SNX27: variants seen among roughly 807,000 people sequenced by gnomAD.
SNX27 encodes sorting nexin 27.
A neutral mutation model predicts 71.6 loss-of-function variants in SNX27; 22 were observed. That is an observed-to-expected ratio of 0.31 (90% CI 0.22 to 0.44). SNX27 has a LOEUF of 0.44. Among genes scored for constraint, SNX27 ranks in the 20% least tolerant of loss-of-function variants. The pLI is 1.00. For synonymous variants in SNX27, 269 were observed against 277.2 expected, an observed-to-expected ratio of 0.97 and a Z score of 0.29; for missense variants, 531 against 698.6, an observed-to-expected ratio of 0.76 and a Z score of 2.70.
chr1:151,634,080 C>T (rs1668367715), intron 1 of SNX27, among the ~76,000 whole-genome samples: 2 of 151,666 alleles, frequency 1.3e-5, no homozygotes, highest in South Asian at 2.1e-4. Context: ...ATTTTATGCA[C>T]TTATCAGCTG....
intron 3 of SNX27, among the ~76,000 whole-genome samples, chr1:151,658,931 A>G (rs963817751): frequency 2.0e-5 from 3 of 152,100 alleles, no homozygotes; most frequent in African/African-American, 7.2e-5. Flanking sequence ...TGATCCGCCC[A>G]CCTCGGCCTC....
rs368706118 is a variant in SNX27 at position 151,668,645 on chromosome 1, T to C, written c.1149+10T>C. ...CTACTTCTTTCATCAGGTAGGTGAA[T>C]TGATCTTCTTGAAAGGCACAATTTC... On this transcript the variant is annotated intron_variant, in intron 7 of 11. Coordinates refer to ENST00000458013, the MANE Select transcript of SNX27 (RefSeq NM_001330723.2). 83 of 1,607,024 alleles carry C rather than the reference T, an allele frequency of 5.2e-5. No homozygotes were observed. The highest frequency in any genetic ancestry group is 1.7e-4 in the Middle Eastern group (1 of 6,052).
Position 151,612,246 on chromosome 1 carries a change from C to T in SNX27, c.45C>T (p.His15=). Residue 15 remains histidine (H), a synonymous_variant, in exon 1 of 12, where the codon CAC becomes CAT. Transcript: ENST00000458013. This position sits in a 1 kb window ranked among gnomAD's most constrained non-coding sequence, Gnocchi z 5.2. ...DGEGIHPSAP[H]RNGGGGGGGG... ...AAGGGATTCATCCCTCAGCCCCTCA[C>T]AGGAACGGAGGTGGCGGCGGCGGCG... The T allele has an allele frequency of 7.0e-7, 1 of 1,435,224 alleles. No individual in the cohort carries two copies. The highest frequency in any genetic ancestry group is 1.5e-5 in the South Asian group (1 of 68,684). 88.9% of individuals were successfully genotyped at this position (1,435,224 alleles called of 1,614,324 possible).
chr1:151,654,942 C>T lies in SNX27; in HGVS notation c.544-3293C>T, dbSNP rs112367386. ...TGTCCTTGTCTACTGATTCTTTTGT[C>T]TTGGTAACTTCTGAGCCTGTTTCTA... On this transcript the variant is annotated intron_variant, in intron 2 of 11. Transcript: ENST00000458013. Among the ~76,000 whole-genome samples the T allele has an allele frequency of 5.1e-3, 773 of 152,266 alleles. 6 individuals are homozygous for T. The highest frequency in any genetic ancestry group is 0.017 in the African/African-American group (701 of 41,570).
chr1:151,651,208 G>A (rs1389624483), intron 2 of SNX27, among the ~76,000 whole-genome samples: 3 of 151,208 alleles, frequency 2.0e-5, no homozygotes, highest in African/African-American at 7.3e-5. Context: ...CCTCCCGGGC[G>A]GGGCGGCTGG....
intron 2 of SNX27, among the ~76,000 whole-genome samples, chr1:151,651,288 C>G (rs1182303585): frequency 6.6e-6 from 1 of 151,142 alleles, no homozygotes; most frequent in South Asian, 2.1e-4. Context: ...GGCTGACCCC[C>G]CTACCTCCCT....
chr1:151,637,998 G>A (rs549396831), intron 1 of SNX27, among the ~76,000 whole-genome samples: 2 of 152,346 alleles, frequency 1.3e-5, no homozygotes, highest in South Asian at 2.1e-4. Context: ...GAGAGCAGCT[G>A]GATCAGCATT....
At position 151,648,148 on chromosome 1, in the gene SNX27, A is replaced by C. The variant is rs536807293; in HGVS notation, c.543+9029A>C. On this transcript the variant is annotated intron_variant, in intron 2 of 11. Coordinates refer to ENST00000458013, the MANE Select transcript of SNX27 (RefSeq NM_001330723.2). ...TGGCACCCTGCAACCTCTGCCTCCC[A>C]GGCTCAAGTGATCTCCCACCTCAAC... 2.0e-4 allele frequency among the ~76,000 whole-genome samples: 30 copies of C among 152,088 alleles called. No individual in the cohort carries two copies. In the South Asian group the frequency reaches 4.6e-3, roughly 23 times the overall value.
rs948556728 is a variant in SNX27, at chr1:151,612,612, C to A, written c.311+100C>A. 10 of 985,216 alleles carry A rather than the reference C, an allele frequency of 1.0e-5. No individual in the cohort carries two copies. In the African/African-American group the frequency reaches 1.5e-4, roughly 15 times the overall value. The allele number at this position is 985,216 out of a possible 1,614,324, so 61.0% of individuals were successfully genotyped here. A position where few individuals can be genotyped will look rare whatever the true frequency, so the allele number is the denominator to read the frequency against. On this transcript the variant is annotated intron_variant, in intron 1 of 11. Coordinates refer to ENST00000458013, the MANE Select transcript of SNX27 (RefSeq NM_001330723.2). The surrounding 1 kb of genome is among the most constrained non-coding windows in gnomAD (Gnocchi z 5.2). ...ACCCCCAGGCCGCACCTCCCCCGAG[C>A]TCCGAGCCGGCCTCCGGACCCCCGC...
intron 7 of SNX27, among the ~76,000 whole-genome samples, chr1:151,681,235 C>T (rs927968755): frequency 1.3e-3 from 78 of 60,658 alleles, no homozygotes; most frequent in South Asian, 1.6e-3. Context: ...GTCTCTCAAT[C>T]TTTTTTTTTT....
intron 1 of SNX27, among the ~76,000 whole-genome samples, chr1:151,636,055 A>C (rs1045664791): frequency 6.6e-6 from 1 of 152,176 alleles, no homozygotes; most frequent in African/African-American, 2.4e-5. Context: ...AAGCTGATGA[A>C]AGCTAGGGAA....
At chr1:151,630,134 T>G (rs1358472383) in intron 1 of SNX27, among the ~76,000 whole-genome samples, 2 of 151,882 alleles carry the variant, frequency 1.3e-5, no homozygotes, top group African/African-American at 4.8e-5. Context: ...GAAACTTTTT[T>G]GTGTTTGGGA....
intron 7 of SNX27, among the ~76,000 whole-genome samples, chr1:151,675,438 C>CT (rs1371386893): frequency 6.6e-6 from 1 of 151,926 alleles, no homozygotes; most frequent in East Asian, 1.9e-4. Flanking sequence ...CAGATACAAC[C>CT]TTTTTCTTTT....
intron 2 of SNX27, among the ~76,000 whole-genome samples, chr1:151,657,801 G>T (rs936518622): frequency 4.6e-5 from 7 of 152,110 alleles, no homozygotes; most frequent in Non-Finnish European, 1.0e-4. Context: ...AAGAGGTCGA[G>T]ACCAGCCTGG....
At chr1:151,634,929 T>C (rs1014026127) in intron 1 of SNX27, among the ~76,000 whole-genome samples, 1 of 152,204 alleles carries the variant, frequency 6.6e-6, no homozygotes, top group Non-Finnish European at 1.5e-5. Context: ...AAGCAGTATA[T>C]ATTGGTAGAT....
In SNX27 at chr1:151,683,394, A is replaced by G; in HGVS notation, c.1188A>G (p.Glu396=). 6.2e-7 allele frequency: 1 copy of G among 1,614,062 alleles called. No individual in the cohort carries two copies. The highest frequency in any genetic ancestry group is 8.5e-7 in the Non-Finnish European group (1 of 1,180,004). Residue 396 remains glutamate (E), a synonymous_variant, in exon 8 of 12, where the codon GAA becomes GAG. Coordinates refer to ENST00000458013, the MANE Select transcript of SNX27 (RefSeq NM_001330723.2). The part of the protein sequence containing the change: ...DDVKKGYIKA[E]EKSYQLQKLY... Reference sequence around the variant, plus strand: ...TGAAGAAAGGTTACATCAAAGCAGAAGAAAAGTCCTATCAATTACAGAAGC... The same window carrying G: ...TGAAGAAAGGTTACATCAAAGCAGAGGAAAAGTCCTATCAATTACAGAAGC...
At chr1:151,643,495 A>G (rs1053146529) in intron 2 of SNX27, among the ~76,000 whole-genome samples, 14 of 149,562 alleles carry the variant, frequency 9.4e-5, no homozygotes, top group Non-Finnish European at 1.8e-4. Flanking sequence ...GGGTTTCACC[A>G]TGTTGGCCAG....
intron 1 of SNX27, among the ~76,000 whole-genome samples, chr1:151,627,434 G>C (rs957000969): frequency 6.6e-6 from 1 of 152,188 alleles, no homozygotes; most frequent in African/African-American, 2.4e-5. Context: ...CAGTCACTTA[G>C]ATCCATAACT....
chr1:151,644,124 A>G (rs372961613), intron 2 of SNX27, among the ~76,000 whole-genome samples: 2 of 152,242 alleles, frequency 1.3e-5, no homozygotes, highest in African/African-American at 4.8e-5. Flanking sequence ...GTTTTAGGTA[A>G]TTCCCAAAAG....
Sources: gnomAD v4.1 joint callset for allele counts (sites outside exome capture counted in the v4.1 genomes callset) on GRCh38, gnomAD v4.1.1 for gene constraint, Gnocchi (gnomAD v3.1) non-coding constraint, MANE v1.5 for transcripts, NCBI Gene and HGNC (gene_info 2026-07-23, HGNC 2026-07-21) for gene names.